Variants in MEF2C observed in about 807,000 individuals in gnomAD.
The protein encoded by MEF2C is myocyte-specific enhancer factor 2C.
Under a neutral mutation model 50.5 loss-of-function variants are expected in MEF2C, and 6 were observed. That is an observed-to-expected ratio of 0.12 (90% CI 0.07 to 0.23). The LOEUF is 0.23. Among genes scored for constraint, MEF2C ranks in the 10% least tolerant of loss-of-function variants. MEF2C has a pLI of 1.00. For missense variants in MEF2C, 276 were observed against 605.0 expected, an observed-to-expected ratio of 0.46 and a Z score of 5.70; for synonymous variants, 183 against 228.0, an observed-to-expected ratio of 0.80 and a Z score of 1.78.
intron 3 of MEF2C, among the ~76,000 whole-genome samples, chr5:88,798,425 C>T (rs761545494): frequency 4.6e-5 from 7 of 151,814 alleles, no homozygotes; most frequent in Non-Finnish European, 5.9e-5. Context: ...TCCGCTTGAT[C>T]GATTTGGGTA....
intron 1 of MEF2C, among the ~76,000 whole-genome samples, chr5:88,858,086 A>C (rs940781946): frequency 6.6e-6 from 1 of 152,238 alleles, no homozygotes; most frequent in Admixed American, 6.5e-5. Flanking sequence ...CTATTAATTT[A>C]ATTTTGACAA....
chr5:88,802,393 T>C (rs1191190610), intron 3 of MEF2C, among the ~76,000 whole-genome samples: 1 of 152,220 alleles, frequency 6.6e-6, no homozygotes, highest in Non-Finnish European at 1.5e-5. Context: ...CTTTCAAATA[T>C]CCACCTATCA....
chr5:88,861,346 TA>T (rs1825436740), intron 1 of MEF2C, among the ~76,000 whole-genome samples: 1 of 152,254 alleles, frequency 6.6e-6, no homozygotes, highest in African/African-American at 2.4e-5. Flanking sequence ...TGTTACTTGT[TA>T]AAAACTCTCC....
chr5:88,775,525 A>G (rs1475170899), intron 3 of MEF2C, among the ~76,000 whole-genome samples: 2 of 152,254 alleles, frequency 1.3e-5, no homozygotes, highest in Non-Finnish European at 2.9e-5. Flanking sequence ...ATGCTAATCA[A>G]GGCCTATATA....
chr5:88,748,785 C>T, intron 6 of MEF2C: 1 of 985,286 alleles, frequency 1.0e-6, no homozygotes, highest in Non-Finnish European at 1.2e-6. Context: ...ACTCTTGTGT[C>T]CAAGGATGGT....
intron 4 of MEF2C, among the ~76,000 whole-genome samples, chr5:88,757,330 A>C (rs1225392546): frequency 6.6e-6 from 1 of 152,170 alleles, no homozygotes; most frequent in Non-Finnish European, 1.5e-5. Context: ...GAGTGATTGA[A>C]CTGAATCTTC....
intron 1 of MEF2C, among the ~76,000 whole-genome samples, chr5:88,894,442 C>T (rs1299485251): frequency 6.6e-6 from 1 of 152,172 alleles, no homozygotes; most frequent in Non-Finnish European, 1.5e-5. Flanking sequence ...TTAAGGTAGA[C>T]ACTTTAGAAG....
rs567312719 is a variant in MEF2C, at chr5:88,853,739, C to T, written c.-143+29216G>A. ...ATTTATAAAAGATATAAACCCTTTC[C>T]AATGTACTTGAATCTTCAGATATTT... On this transcript the variant is annotated intron_variant, in intron 1 of 10. Transcript: ENST00000504921. 7.2e-5 allele frequency among the ~76,000 whole-genome samples: 11 copies of T among 152,212 alleles called. No homozygotes were observed. The South Asian group carries it at 2.3e-3, about 32-fold the overall frequency.
intron 6 of MEF2C, chr5:88,734,575 T>TGG (rs1273196281): frequency 1.1e-6 from 1 of 898,414 alleles, no homozygotes; most frequent in East Asian, 1.4e-4. Flanking sequence ...GTTTTTTTTT[T>TGG]TTTTTTTTTT....
chr5:88,782,341 C>T (rs1202676374), intron 3 of MEF2C: 1 of 190,166 alleles, frequency 5.3e-6, no homozygotes, highest in Non-Finnish European at 9.7e-6. Flanking sequence ...TGGTATGTGC[C>T]TGTGGTCCCA....
chr5:88,849,028 G>A (rs1820322631), intron 1 of MEF2C, among the ~76,000 whole-genome samples: 1 of 151,678 alleles, frequency 6.6e-6, no homozygotes, highest in African/African-American at 2.4e-5. Flanking sequence ...GCGCCTGCCT[G>A]TAATCCCAGC....
chr5:88,755,060 T>C (rs923260526), intron 4 of MEF2C, among the ~76,000 whole-genome samples: 1 of 152,188 alleles, frequency 6.6e-6, no homozygotes, highest in Non-Finnish European at 1.5e-5. Flanking sequence ...CTCTTTCTCC[T>C]GCTCTTCTTT....
Position 88,775,971 on chromosome 5 carries a change from G to A in MEF2C, c.259-14643C>T, listed in dbSNP as rs1174824118. ...TAACTTTAAAAGGAATGAGCCAAAT[G>A]TTTCACCATTATACACTTACTATGA... is the stretch of plus-strand genomic sequence containing the variant. On this transcript the variant is annotated intron_variant, in intron 3 of 10. Coordinates refer to ENST00000504921, the MANE Select transcript of MEF2C (RefSeq NM_002397.5). The A allele has an allele frequency of 7.6e-5, 16 of 210,042 alleles. No individual in the cohort carries two copies. The Admixed American group carries it at 9.8e-4, about 13-fold the overall frequency. The allele number at this position is 210,042 out of a possible 1,614,324, so 13.0% of individuals were successfully genotyped here.
intron 3 of MEF2C, chr5:88,782,283 T>G (rs1788469644): frequency 2.1e-6 from 1 of 465,740 alleles, no homozygotes; most frequent in African/African-American, 2.1e-5. Context: ...CTGGGCAACA[T>G]GGCAAAATCC....
chr5:88,807,692 A>T (rs1234338011), intron 2 of MEF2C, among the ~76,000 whole-genome samples: 2 of 152,106 alleles, frequency 1.3e-5, no homozygotes, highest in Admixed American at 1.3e-4. Flanking sequence ...AGTTCCCCCA[A>T]ATTTCTTAGT....
intron 1 of MEF2C, among the ~76,000 whole-genome samples, chr5:88,859,520 TATTA>T (rs1003375530): frequency 6.6e-6 from 1 of 152,242 alleles, no homozygotes; most frequent in African/African-American, 2.4e-5. Flanking sequence ...AAAGTTCCTG[TATTA>T]ATTAACTGAA....
Position 88,722,139 on chromosome 5 carries a change from A to T in MEF2C, c.*465T>A. 4 of 156,902 alleles carry T rather than the reference A, an allele frequency of 2.5e-5. No homozygotes were observed. Among genetic ancestry groups the T allele is most frequent in the South Asian group, 1.9e-4 (1 of 5,192 alleles). The allele number at this position is 156,902 out of a possible 1,614,324, so 9.7% of individuals were successfully genotyped here. ...TGTCAGGTGACCTGGTGTGTTCCTA[A>T]CATTTACCAATGGCCACCCATTACC... On this transcript the variant is annotated 3_prime_UTR_variant, in exon 11 of 11. Coordinates refer to ENST00000504921, the MANE Select transcript of MEF2C (RefSeq NM_002397.5).
chr5:88,807,046 T>C (rs700592), intron 2 of MEF2C, among the ~76,000 whole-genome samples: 75,490 of 152,084 alleles, frequency 0.5, 20,071 homozygotes, highest in African/African-American at 0.68. Flanking sequence ...TTTTAACAAC[T>C]CATATGCAAA....
At chr5:88,731,958 G>A (rs545442308) in intron 6 of MEF2C, 57 bp from the exon 7 acceptor site, 26 of 1,468,386 alleles carry the variant, frequency 1.8e-5, no homozygotes, top group Non-Finnish European at 2.1e-5. Flanking sequence ...ATACGTTTCC[G>A]AAGAATACAC....
Sources: allele counts gnomAD v4.1 joint callset (sites outside exome capture counted in the v4.1 genomes callset), GRCh38; gene constraint gnomAD v4.1.1; transcripts MANE v1.5; gene names NCBI Gene and HGNC (gene_info 2026-07-23, HGNC 2026-07-21).